The following MYO3B variants were observed in gnomAD, a reference collection of about 807,000 sequenced individuals.
MYO3B encodes the protein myosin IIIB.
A neutral mutation model predicts 174.6 loss-of-function variants in MYO3B; 156 were observed. That is an observed-to-expected ratio of 0.89 (90% CI 0.78 to 1.02). The LOEUF is 1.02. MYO3B is among the 50% of genes least tolerant of loss of function. MYO3B has a pLI of 0.00. For missense variants in MYO3B, 1,632 were observed against 1,639.4 expected (o/e 1.00, Z 0.08); for synonymous variants, 563 against 569.1 (o/e 0.99, Z 0.15).
intron 7 of MYO3B, among the ~76,000 whole-genome samples, chr2:170,281,503 G>C (rs2093510516): frequency 6.6e-6 from 1 of 152,084 alleles, no homozygotes; most frequent in African/African-American, 2.4e-5. Flanking sequence ...TGACTTTTGG[G>C]TAAATAATGA....
At chr2:170,506,557 T>C (rs912884862) in intron 28 of MYO3B, among the ~76,000 whole-genome samples, 1 of 152,208 alleles carries the variant, frequency 6.6e-6, no homozygotes, top group African/African-American at 2.4e-5. Flanking sequence ...GAGATTTAAT[T>C]TGGGGCTTCA....
intron 7 of MYO3B, among the ~76,000 whole-genome samples, chr2:170,290,884 A>G (rs1040239017): frequency 4.0e-5 from 6 of 150,880 alleles, no homozygotes; most frequent in African/African-American, 1.5e-4. Context: ...AAAAAAAAAA[A>G]GAACTTGTAG....
At position 170,199,377 on chromosome 2, in the gene MYO3B, C is replaced by T. The variant is rs1394587042; in HGVS notation, c.172C>T (p.Leu58=). ...RDGSLAAVKI[L]DPVSDMDEEI... ...TGGGAGCCTGGCTGCAGTGAAAATT[C>T]TGGATCCAGTCAGTGTAAGTAACAG... The change falls in exon 2 of 35, where the codon CTG becomes TTG. Residue 58 remains leucine (L), a synonymous_variant. Transcript: ENST00000408978. 1 of 1,610,462 alleles carries T rather than the reference C, an allele frequency of 6.2e-7. No individual in the cohort carries two copies. The highest frequency in any genetic ancestry group is 1.1e-5 in the South Asian group (1 of 90,488).
rs57845643 is a variant in MYO3B, at chr2:170,551,349, ATTAT to A, written c.3733+7396_3733+7399del. ...TATATATTTAATTTAATTTAATTTA[ATTAT>A]TTATTTATTTATTTATTTATTTATT... On this transcript the variant is annotated intron_variant, in intron 32 of 34. Coordinates refer to ENST00000408978, the MANE Select transcript of MYO3B (RefSeq NM_138995.5). Among the ~76,000 whole-genome samples, 145 of 142,326 alleles carry A rather than the reference ATTAT, an allele frequency of 1.0e-3. No homozygotes were observed. The Middle Eastern group carries it at 0.018, about 18-fold the overall frequency. 93.4% of individuals were successfully genotyped at this position (142,326 alleles called of 152,430 possible).
chr2:170,365,807 C>T lies in MYO3B; in HGVS notation c.816-3415C>T, dbSNP rs112043004. ...GATGGTATATGGTAGACACACCCGA[C>T]AGCAATAATTTAACTTGAGCATACC... On this transcript the variant is annotated intron_variant, in intron 8 of 34. Transcript: ENST00000408978. Among the ~76,000 whole-genome samples, 1,253 of 152,236 alleles carry T rather than the reference C, an allele frequency of 8.2e-3. 14 individuals are homozygous for T. The highest frequency in any genetic ancestry group is 0.029 in the African/African-American group (1,215 of 41,522).
At chr2:170,430,481 C>T (rs1370595790) in intron 22 of MYO3B, among the ~76,000 whole-genome samples, 1 of 150,960 alleles carries the variant, frequency 6.6e-6, no homozygotes, top group Non-Finnish European at 1.5e-5. Context: ...GAGGGATTCT[C>T]CTACCTCAGC....
At chr2:170,261,902 T>C (rs1208832195) in intron 7 of MYO3B, among the ~76,000 whole-genome samples, 3 of 152,140 alleles carry the variant, frequency 2.0e-5, no homozygotes, top group African/African-American at 7.2e-5. Context: ...CAATAGAAGA[T>C]ATGTATGTGT....
chr2:170,383,501 A>C (rs2094350943), intron 11 of MYO3B, among the ~76,000 whole-genome samples: 1 of 152,324 alleles, frequency 6.6e-6, no homozygotes, highest in South Asian at 2.1e-4. Context: ...GACTTAGCAT[A>C]GAGTGAACTC....
chr2:170,583,552 G>A (rs765242069), intron 32 of MYO3B, among the ~76,000 whole-genome samples: 1 of 152,032 alleles, frequency 6.6e-6, no homozygotes, highest in Non-Finnish European at 1.5e-5. Flanking sequence ...TATAATAATT[G>A]CATTTCTCTG....
At chr2:170,451,997 C>T (rs1170613326) in intron 23 of MYO3B, among the ~76,000 whole-genome samples, 1 of 152,108 alleles carries the variant, frequency 6.6e-6, no homozygotes, top group Admixed American at 6.6e-5. Flanking sequence ...TTGTAATCAG[C>T]CCATCTACAT....
intron 6 of MYO3B, among the ~76,000 whole-genome samples, chr2:170,220,706 C>T (rs2092889069): frequency 6.6e-6 from 1 of 151,592 alleles, no homozygotes; most frequent in South Asian, 2.1e-4. Flanking sequence ...CTCAGATTCC[C>T]TGGAAGTGGT....
rs2093065206 is a variant in MYO3B, at chr2:170,235,979, T to G, written c.604-12T>G. 2 of 1,613,844 alleles carry G rather than the reference T, an allele frequency of 1.2e-6. No individual in the cohort carries two copies. Among genetic ancestry groups the G allele is most frequent in the African/African-American group, 2.7e-5 (2 of 75,034 alleles). ...TAGGGTTGATGTGTCATGTCCTGCT[T>G]TTGTCCAATAGGTCATTGCCTGTGA... is the stretch of plus-strand genomic sequence containing the variant. On this transcript the variant is annotated splice_polypyrimidine_tract_variant and intron_variant, in intron 6 of 34. Coordinates refer to ENST00000408978, the MANE Select transcript of MYO3B (RefSeq NM_138995.5).
chr2:170,601,912 C>T, intron 32 of MYO3B: 1 of 844,350 alleles, frequency 1.2e-6, no homozygotes, highest in Admixed American at 2.1e-5. Flanking sequence ...ATACTCAGAG[C>T]AGAACAGCAA....
rs1553564289 is a variant in MYO3B at position 170,220,653 on chromosome 2, A to AAAAT, written c.603+3259_603+3260insAATA. Reference sequence around the variant, plus strand: ...CAAAAAAAAAAAAAAAAAAAAAAAAAATGGAGTGTTTCTGTAGGGGACAGT... The same window carrying AAAAT: ...CAAAAAAAAAAAAAAAAAAAAAAAAAAAATATGGAGTGTTTCTGTAGGGGACAGT... On this transcript the variant is annotated intron_variant, in intron 6 of 34. Transcript: ENST00000408978. Among the ~76,000 whole-genome samples, 9 of 141,092 alleles carry AAAAT rather than the reference A, an allele frequency of 6.4e-5. 1 individual carries two copies. Among genetic ancestry groups the AAAAT allele is most frequent in the African/African-American group, 1.9e-4 (7 of 36,482 alleles). 92.6% of individuals were successfully genotyped at this position (141,092 alleles called of 152,430 possible).
chr2:170,332,223 A>G (rs959560665), intron 7 of MYO3B: 1 of 152,178 alleles, frequency 6.6e-6, no homozygotes, highest in Non-Finnish European at 1.5e-5. Context: ...GTTGACCTTA[A>G]GATGTCTCTG....
rs1252203995 is a variant in MYO3B at position 170,654,984 on chromosome 2, G to A, written c.*1863G>A. 6.6e-6 allele frequency: 1 copy of A among 152,106 alleles called. No individual in the cohort carries two copies. Among genetic ancestry groups the A allele is most frequent in the Admixed American group, 6.6e-5 (1 of 15,258 alleles). The allele number at this position is 152,106 out of a possible 1,614,324, so 9.4% of individuals were successfully genotyped here. A position where few individuals can be genotyped will look rare whatever the true frequency, so the allele number is the denominator to read the frequency against. ...TTTTTATGTTACTGTTAATATACGAGTGCTTTTGGAAGTTTCACTTTTGTC... is the reference window on the plus strand; with the variant it reads ...TTTTTATGTTACTGTTAATATACGAATGCTTTTGGAAGTTTCACTTTTGTC... On this transcript the variant is annotated 3_prime_UTR_variant, in exon 35 of 35. Coordinates refer to ENST00000408978, the MANE Select transcript of MYO3B (RefSeq NM_138995.5).
chr2:170,359,489 A>G (rs1298693779), intron 8 of MYO3B, among the ~76,000 whole-genome samples: 1 of 152,180 alleles, frequency 6.6e-6, no homozygotes, highest in Non-Finnish European at 1.5e-5. Flanking sequence ...CCTCAGTTTA[A>G]TGTGGCTAAG....
intron 7 of MYO3B, among the ~76,000 whole-genome samples, chr2:170,277,143 T>G (rs1045672247): frequency 2.0e-5 from 3 of 152,214 alleles, no homozygotes; most frequent in Non-Finnish European, 2.9e-5. Flanking sequence ...CTGCTCTGTT[T>G]GCTGTTGGTC....
At chr2:170,536,066 C>G (rs1430180570) in intron 30 of MYO3B, among the ~76,000 whole-genome samples, 1 of 152,194 alleles carries the variant, frequency 6.6e-6, no homozygotes, top group Non-Finnish European at 1.5e-5. Flanking sequence ...TAGACTTTTA[C>G]ACAGTGACAG....
Sources: allele counts gnomAD v4.1 joint callset (sites outside exome capture counted in the v4.1 genomes callset), GRCh38; gene constraint gnomAD v4.1.1; transcripts MANE v1.5; gene names NCBI Gene and HGNC (gene_info 2026-07-23, HGNC 2026-07-21).